The following NTM variants were observed in gnomAD, a reference collection of about 807,000 sequenced individuals.
NTM encodes IgLON family member 2.
NTM carries 13 observed loss-of-function variants against 42.1 expected under a neutral mutation model. That is an observed-to-expected ratio of 0.31 (90% CI 0.20 to 0.49). The LOEUF (loss-of-function observed/expected upper bound fraction) is 0.49. Among genes scored for constraint, NTM ranks in the 20% least tolerant of loss-of-function variants. The pLI, the probability that NTM is intolerant of heterozygous loss-of-function variation, is 0.99. For synonymous variants in NTM, 187 were observed against 179.2 expected (o/e 1.04, Z -0.35); for missense variants, 373 against 452.8 (o/e 0.82, Z 1.60).
chr11:132,001,108 G>A (rs1174962222), intron 2 of NTM, among the ~76,000 whole-genome samples: 2 of 152,152 alleles, frequency 1.3e-5, no homozygotes, highest in East Asian at 3.9e-4. Context: ...CGTTTGTTTT[G>A]CAGGTTGCAA....
chr11:132,064,856 A>T (rs143444616), intron 2 of NTM, among the ~76,000 whole-genome samples: 1,645 of 152,298 alleles, frequency 0.011, 16 homozygotes, highest in Middle Eastern at 0.024. Flanking sequence ...ATGAATAAAC[A>T]TTTCAAACAA....
chr11:132,263,503 C>A (rs2092996133), intron 4 of NTM, among the ~76,000 whole-genome samples: 1 of 152,230 alleles, frequency 6.6e-6, no homozygotes, highest in Non-Finnish European at 1.5e-5. Context: ...AATGAGTCTG[C>A]CACGCCCTTA....
intron 1 of NTM, among the ~76,000 whole-genome samples, chr11:131,779,351 G>A (rs2087636817): frequency 6.6e-6 from 1 of 152,124 alleles, no homozygotes; most frequent in South Asian, 2.1e-4. Flanking sequence ...CCTAGTCGGT[G>A]ATAATTCATT....
chr11:131,503,701 T>TTTTTTGTGG (rs1411864679), intron 1 of NTM, among the ~76,000 whole-genome samples: 1 of 151,726 alleles, frequency 6.6e-6, no homozygotes, highest in Non-Finnish European at 1.5e-5. Flanking sequence ...TGTTTCTCTT[T>TTTTTTGTGG]TTTTTGTAGA....
intron 2 of NTM, among the ~76,000 whole-genome samples, chr11:132,103,138 G>A (rs766314592): frequency 2.0e-5 from 3 of 152,214 alleles, no homozygotes; most frequent in Admixed American, 6.5e-5. Flanking sequence ...GGAGGTGACC[G>A]CCTGGGCGCA....
chr11:132,171,063 CAT>C lies in NTM; in HGVS notation c.400+24550_400+24551del, dbSNP rs1168159521. ...TGCAAGAATCGTTCACTAAATGTCA[CAT>C]GTTTTTCTCCATAAATTCTGGTTGT... is the stretch of plus-strand genomic sequence containing the variant. On this transcript the variant is annotated intron_variant, in intron 3 of 8. Transcript: ENST00000683400. Among the ~76,000 whole-genome samples, 3 of 152,186 alleles carry C rather than the reference CAT, an allele frequency of 2.0e-5. No homozygotes were observed. The East Asian group carries it at 5.8e-4, about 29-fold the overall frequency.
intron 1 of NTM, chr11:131,660,191 T>C: frequency 4.0e-6 from 1 of 252,414 alleles, no homozygotes; most frequent in Non-Finnish European, 8.3e-6. Context: ...AGGACTCGGG[T>C]GGGCCAGTTT....
chr11:131,454,117 A>G (rs1185776282), intron 1 of NTM, among the ~76,000 whole-genome samples: 1 of 152,230 alleles, frequency 6.6e-6, no homozygotes, highest in Non-Finnish European at 1.5e-5. Flanking sequence ...CCATAGTTTC[A>G]GTTACCTGCA....
chr11:131,637,101 C>T (rs2064495841), intron 1 of NTM, among the ~76,000 whole-genome samples: 1 of 152,108 alleles, frequency 6.6e-6, no homozygotes, highest in Non-Finnish European at 1.5e-5. Flanking sequence ...AGATGCCAAC[C>T]TGGGTACACA....
At chr11:132,302,336 ATAAATTATAC>A (rs1357071285) in intron 4 of NTM, among the ~76,000 whole-genome samples, 2 of 152,258 alleles carry the variant, frequency 1.3e-5, no homozygotes, top group Non-Finnish European at 2.9e-5. Context: ...AAAACTAAAT[ATAAATTATAC>A]TACACACTCG....
chr11:132,036,728 T>C (rs879774795), intron 2 of NTM, among the ~76,000 whole-genome samples: 1 of 152,200 alleles, frequency 6.6e-6, no homozygotes, highest in Non-Finnish European at 1.5e-5. Flanking sequence ...TATTCCCTCA[T>C]ATTTGCTTGA....
chr11:131,854,863 C>T (rs1450100234), intron 1 of NTM, among the ~76,000 whole-genome samples: 4 of 152,098 alleles, frequency 2.6e-5, no homozygotes. Flanking sequence ...TTCCTGGTTT[C>T]AAGTAGTATG....
At chr11:131,402,052 T>C (rs1377522213) in intron 1 of NTM, among the ~76,000 whole-genome samples, 3 of 150,866 alleles carry the variant, frequency 2.0e-5, no homozygotes, top group African/African-American at 7.3e-5. Flanking sequence ...CTAAGAGAGT[T>C]TCTAGATGTA....
intron 4 of NTM, among the ~76,000 whole-genome samples, chr11:132,230,867 T>A (rs373328916): frequency 1.4e-4 from 22 of 152,146 alleles, no homozygotes; most frequent in East Asian, 5.8e-4. Context: ...TACAAAAAAA[T>A]TTTTTAATCA....
intron 1 of NTM, among the ~76,000 whole-genome samples, chr11:131,618,587 G>A (rs2062191718): frequency 6.6e-6 from 1 of 152,194 alleles, no homozygotes; most frequent in Non-Finnish European, 1.5e-5. Flanking sequence ...GAGGTGGGCA[G>A]AAGACTTTGC....
chr11:131,670,993 C>A (rs774795345), intron 1 of NTM, among the ~76,000 whole-genome samples: 2 of 152,150 alleles, frequency 1.3e-5, no homozygotes, highest in African/African-American at 2.4e-5. Context: ...GCTTCACTGT[C>A]GGCAGAGGCT....
intron 1 of NTM, among the ~76,000 whole-genome samples, chr11:131,717,238 AT>A (rs1397471057): frequency 6.6e-6 from 1 of 152,156 alleles, no homozygotes; most frequent in African/African-American, 2.4e-5. Context: ...TTCCATATAG[AT>A]TTTTAAATTA....
At chr11:131,671,917 G>C (rs2070335551) in intron 1 of NTM, among the ~76,000 whole-genome samples, 1 of 152,152 alleles carries the variant, frequency 6.6e-6, no homozygotes, top group South Asian at 2.1e-4. Context: ...TTGGCTCCGG[G>C]ACAAAGAGGC....
At chr11:132,178,374 C>G (rs2077109724) in intron 3 of NTM, among the ~76,000 whole-genome samples, 1 of 152,188 alleles carries the variant, frequency 6.6e-6, no homozygotes, top group Non-Finnish European at 1.5e-5. Context: ...ACATAATTCC[C>G]ACTTTGCCTT....
Sources: gnomAD v4.1 joint callset for allele counts (sites outside exome capture counted in the v4.1 genomes callset) on GRCh38, gnomAD v4.1.1 for gene constraint, MANE v1.5 for transcripts, NCBI Gene and HGNC (gene_info 2026-07-23, HGNC 2026-07-21) for gene names.